Variants in RAB3D observed in about 807,000 individuals in gnomAD.
RAB3D encodes the protein RAB3D, member RAS oncogene family, also known as ras-related protein Rab-3D.
In RAB3D, 17 loss-of-function variants were observed where a neutral mutation model predicts 19.3. The ratio of observed to expected loss-of-function variants is 0.88; its 90% CI spans 0.60 to 1.32. RAB3D has a LOEUF of 1.32. Among genes scored for constraint, RAB3D ranks in the 40% most tolerant of loss-of-function variants. The probability of loss-of-function intolerance (pLI) is 0.00; values close to 1 mark genes in which losing one functional copy is unlikely to be tolerated. For missense variants in RAB3D, 223 were observed against 299.1 expected (o/e 0.75, Z 1.88); for synonymous variants, 103 against 119.9 (o/e 0.86, Z 0.92).
intron 3 of RAB3D, 35 bp from the exon 4 acceptor site, chr19:11,335,606 GGGGT>G (rs759969703): frequency 8.1e-6 from 13 of 1,613,752 alleles, no homozygotes; most frequent in Non-Finnish European, 1.1e-5. Flanking sequence ...ATGAGCCGGG[GGGGT>G]TAGGGGTCAG....
In RAB3D at chr19:11,325,426, G is replaced by GGGGGGGGC; in HGVS notation, c.631_632insGCCCCCCC (p.Ala211GlyfsTer34). ...GCAGCTGCAGCTGCTGGGCTGGGGGGCTGGAGCATCCCCCACGGCCGGGCC... is the reference window on the plus strand; with the variant it reads ...GCAGCTGCAGCTGCTGGGCTGGGGGGGGGGGGGCCTGGAGCATCCCCCACGGCCGGGCC... On this transcript the variant is annotated frameshift_variant, in exon 5 of 5. Coordinates refer to ENST00000222120, the MANE Select transcript of RAB3D (RefSeq NM_004283.4). LOFTEE classifies it high-confidence loss of function. 1.2e-6 allele frequency: 1 copy of GGGGGGGGC among 825,490 alleles called. No individual in the cohort carries two copies. Among genetic ancestry groups the GGGGGGGGC allele is most frequent in the Non-Finnish European group, 1.8e-6 (1 of 553,948 alleles). 51.1% of individuals were successfully genotyped at this position (825,490 alleles called of 1,614,324 possible).
In RAB3D at chr19:11,335,758, C is replaced by T. The variant is rs746620871; in HGVS notation, c.254G>A (p.Arg85His). 17 of 1,614,058 alleles carry T rather than the reference C, an allele frequency of 1.1e-5. No homozygotes were observed. Among genetic ancestry groups the T allele is most frequent in the South Asian group, 4.4e-5 (4 of 91,090 alleles). ...IWDTAGQERY[R>H]TITTAYYRGA... The stretch of plus-strand genomic sequence containing the variant: ...CCGGTAGTAGGCCGTGGTGATGGTG[C>T]GGTAGCGCTCCTGGCCCGCTGTGTC... The change falls in exon 3 of 5, where the codon CGC (arginine) becomes CAC (histidine). Residue 85 changes from arginine to histidine, a missense_variant. Coordinates refer to ENST00000222120, the MANE Select transcript of RAB3D (RefSeq NM_004283.4).
intron 2 of RAB3D, among the ~76,000 whole-genome samples, chr19:11,336,822 T>C (rs1481251027): frequency 6.6e-6 from 1 of 151,622 alleles, no homozygotes; most frequent in East Asian, 2.0e-4. Flanking sequence ...TATAAAAAAT[T>C]AGCCGGGTGT....
rs528708934 is a variant in RAB3D at position 11,337,555 on chromosome 19, G to A, written c.-61-95C>T. ...GTCACTCGGAGACCAAGTGATGCTG[G>A]ATGCATCGCTTGCCCCCTCTAGACC... On this transcript the variant is annotated intron_variant, in intron 1 of 4. Coordinates refer to ENST00000222120, the MANE Select transcript of RAB3D (RefSeq NM_004283.4). The A allele has an allele frequency of 3.0e-5, 19 of 634,196 alleles. 1 individual carries two copies. In the East Asian group the frequency reaches 5.2e-4, roughly 17 times the overall value. The allele number at this position is 634,196 out of a possible 1,614,324, so 39.3% of individuals were successfully genotyped here.
Position 11,323,307 on chromosome 19 carries a change from C to T in RAB3D, c.*2091G>A, listed in dbSNP as rs914996712. The T allele has an allele frequency of 2.0e-5, 3 of 152,116 alleles. No individual in the cohort carries two copies. Among genetic ancestry groups the T allele is most frequent in the African/African-American group, 7.2e-5 (3 of 41,446 alleles). The allele number at this position is 152,116 out of a possible 1,614,324, so 9.4% of individuals were successfully genotyped here. On this transcript the variant is annotated 3_prime_UTR_variant, in exon 5 of 5. Transcript: ENST00000222120. ...ATCTAATTTGTTGGTATAAAAGATA[C>T]CCTCGGCTGGGCGTGATGGCTCACG...
chr19:11,337,537 G>A (rs1966908252), intron 1 of RAB3D, 77 bp from the exon 2 acceptor site: 5 of 690,808 alleles, frequency 7.2e-6, no homozygotes, highest in South Asian at 1.7e-5. Context: ...TCGGTCACTC[G>A]GAGACCAAGT....
At position 11,322,940 on chromosome 19, in the gene RAB3D, C is replaced by T. The variant is rs973399779; in HGVS notation, c.*2458G>A. ...ACCAGCCTGGCCAACAAGGTGAAAC[C>T]GTCGCTACTAAAAATGCAAAACTTA... On this transcript the variant is annotated 3_prime_UTR_variant, in exon 5 of 5. Coordinates refer to ENST00000222120, the MANE Select transcript of RAB3D (RefSeq NM_004283.4). The T allele has an allele frequency of 1.3e-5, 2 of 152,044 alleles. No homozygotes were observed. Among genetic ancestry groups the T allele is most frequent in the Non-Finnish European group, 2.9e-5 (2 of 68,026 alleles). The allele number at this position is 152,044 out of a possible 1,614,324, so 9.4% of individuals were successfully genotyped here.
intron 4 of RAB3D, among the ~76,000 whole-genome samples, chr19:11,334,100 A>C (rs1599359206): frequency 6.6e-6 from 1 of 152,202 alleles, no homozygotes; most frequent in African/African-American, 2.4e-5. Flanking sequence ...TGTATGGCCA[A>C]AAATATTTAC....
rs74732035 is a variant in RAB3D, at chr19:11,326,420, G to A, written c.473-835C>T. Among the ~76,000 whole-genome samples the A allele has an allele frequency of 9.5e-3, 1,440 of 152,202 alleles. 20 individuals carry two copies. Among genetic ancestry groups the A allele is most frequent in the African/African-American group, 0.032 (1,309 of 41,534 alleles). On this transcript the variant is annotated intron_variant, in intron 4 of 4. Transcript: ENST00000222120. ...ACGAAACCCTGCGGCTGCAGCCATG[G>A]TCTGGACAATCCTAAGATCTCTTTG...
At position 11,335,575 on chromosome 19, in the gene RAB3D, C is replaced by T; in HGVS notation, c.348-4G>A. On this transcript the variant is annotated splice_region_variant and splice_polypyrimidine_tract_variant and intron_variant, in intron 3 of 4. Coordinates refer to ENST00000222120, the MANE Select transcript of RAB3D (RefSeq NM_004283.4). The stretch of plus-strand genomic sequence containing the variant: ...GTAGGTCTTGATTTGCGTGGCCCTG[C>T]AGAGTTACCAGTGGTGAGCCATGAG... 1.2e-6 allele frequency: 2 copies of T among 1,614,022 alleles called. No homozygotes were observed. The highest frequency in any genetic ancestry group is 2.7e-5 in the African/African-American group (2 of 75,030).
rs926458446 is a variant in RAB3D, at chr19:11,334,201, G to A, written c.472+1246C>T. ...TTGCTAGAACAAAACAGCCAGGCAC[G>A]GTGGCTCACGCCTGTAATCCCAACA... is the stretch of plus-strand genomic sequence containing the variant. On this transcript the variant is annotated intron_variant, in intron 4 of 4. Coordinates refer to ENST00000222120, the MANE Select transcript of RAB3D (RefSeq NM_004283.4). 4.6e-5 allele frequency among the ~76,000 whole-genome samples: 7 copies of A among 152,082 alleles called. No individual in the cohort carries two copies. In the East Asian group the frequency reaches 5.8e-4, roughly 13 times the overall value.
rs1216956706 is a variant in RAB3D at position 11,324,375 on chromosome 19, C to T, written c.*1023G>A. ...GGGTCTTGAAGGGCCCCCCTCAAGT[C>T]GGAGCCCAGGTGCTTACATCAGAAA... On this transcript the variant is annotated 3_prime_UTR_variant, in exon 5 of 5. Transcript: ENST00000222120. 1 of 152,178 alleles carries T rather than the reference C, an allele frequency of 6.6e-6. No homozygotes were observed. Among genetic ancestry groups the T allele is most frequent in the Non-Finnish European group, 1.5e-5 (1 of 68,054 alleles). The allele number at this position is 152,178 out of a possible 1,614,324, so 9.4% of individuals were successfully genotyped here.
intron 4 of RAB3D, among the ~76,000 whole-genome samples, chr19:11,332,885 C>T (rs1276397618): frequency 6.6e-6 from 1 of 151,976 alleles, no homozygotes; most frequent in Non-Finnish European, 1.5e-5. Flanking sequence ...GTGAATCAAG[C>T]TGGCAGATTT....
intron 4 of RAB3D, among the ~76,000 whole-genome samples, chr19:11,335,131 T>TG (rs772859251): frequency 1.3e-5 from 2 of 152,180 alleles, no homozygotes; most frequent in South Asian, 2.1e-4. Context: ...GTGAGACACC[T>TG]GGGGGGGATC....
At position 11,325,400 on chromosome 19, in the gene RAB3D, A is replaced by G; in HGVS notation, c.658T>C (p.Ter220GlnextTer83). ...PAPQPSSCSC* is the reference protein window; with the variant it reads ...PAPQPSSCSCQ ...GGGTGGGGGGTTGGGGGCCATCTCTAGCAGCTGCAGCTGCTGGGCTGGGGG... is the reference window on the plus strand; with the variant it reads ...GGGTGGGGGGTTGGGGGCCATCTCTGGCAGCTGCAGCTGCTGGGCTGGGGG... The change falls in exon 5 of 5, where the codon TAG becomes CAG. Residue 220 changes from the stop codon to glutamine, a stop_lost. Coordinates refer to ENST00000222120, the MANE Select transcript of RAB3D (RefSeq NM_004283.4). 1.6e-6 allele frequency: 2 copies of G among 1,280,732 alleles called. No homozygotes were observed. Among genetic ancestry groups the G allele is most frequent in the Non-Finnish European group, 2.0e-6 (2 of 987,014 alleles). 79.3% of individuals were successfully genotyped at this position (1,280,732 alleles called of 1,614,324 possible).
rs954772399 is a variant in RAB3D at position 11,325,202 on chromosome 19, A to G, written c.*196T>C. On this transcript the variant is annotated 3_prime_UTR_variant, in exon 5 of 5. Transcript: ENST00000222120. ...GCAGAGCTGAGTCCCCATGGTCCGC[A>G]GCCTCCCACCGGGGCTGCCTGAGGA... The G allele has an allele frequency of 5.5e-6, 3 of 544,326 alleles. No homozygotes were observed. Among genetic ancestry groups the G allele is most frequent in the Non-Finnish European group, 1.0e-5 (3 of 301,454 alleles). 33.7% of individuals were successfully genotyped at this position (544,326 alleles called of 1,614,324 possible). A position where few individuals can be genotyped will look rare whatever the true frequency, so the allele number is the denominator to read the frequency against.
At position 11,322,596 on chromosome 19, in the gene RAB3D, A is replaced by T. The variant is rs1293528119; in HGVS notation, c.*2802T>A. The T allele has an allele frequency of 1.3e-5, 2 of 152,224 alleles. No homozygotes were observed. The highest frequency in any genetic ancestry group is 3.8e-4 in the East Asian group (2 of 5,202). 9.4% of individuals were successfully genotyped at this position (152,224 alleles called of 1,614,324 possible). Reference sequence around the variant, plus strand: ...GTAATCTGCAAAAACATCAGTTTTCAGTCCCCAGAGACCATTTCCAATTAA... The same window carrying T: ...GTAATCTGCAAAAACATCAGTTTTCTGTCCCCAGAGACCATTTCCAATTAA... On this transcript the variant is annotated 3_prime_UTR_variant, in exon 5 of 5. Transcript: ENST00000222120.
intron 1 of RAB3D, among the ~76,000 whole-genome samples, chr19:11,339,218 C>G (rs976155997): frequency 6.6e-6 from 1 of 152,228 alleles, no homozygotes; most frequent in Non-Finnish European, 1.5e-5. Context: ...AGCCTGGCCC[C>G]GGAGGGCTCG....
chr19:11,337,572 C>T lies in RAB3D; in HGVS notation c.-61-112G>A, dbSNP rs1278225470. The T allele has an allele frequency of 6.7e-6, 4 of 596,842 alleles. 1 individual carries two copies. The highest frequency in any genetic ancestry group is 2.8e-5 in the Admixed American group (1 of 35,386). The allele number at this position is 596,842 out of a possible 1,614,324, so 37.0% of individuals were successfully genotyped here. On this transcript the variant is annotated intron_variant, in intron 1 of 4. Transcript: ENST00000222120. The stretch of plus-strand genomic sequence containing the variant: ...TGATGCTGGATGCATCGCTTGCCCC[C>T]TCTAGACCTCAGTGTCCTCTTCTAA...
Sources: gnomAD v4.1 joint callset for allele counts (sites outside exome capture counted in the v4.1 genomes callset) on GRCh38, gnomAD v4.1.1 for gene constraint, MANE v1.5 for transcripts, NCBI Gene and HGNC (gene_info 2026-07-23, HGNC 2026-07-21) for gene names.